The following OTUD7A variants were observed in gnomAD, a reference collection of about 807,000 sequenced individuals.
The protein encoded by OTUD7A is OTU domain-containing protein 7A.
Under a neutral mutation model 65.7 loss-of-function variants are expected in OTUD7A, and 12 were observed. The observed-to-expected ratio is 0.18, with a 90% CI of 0.12 to 0.30. OTUD7A has a LOEUF of 0.30. Among genes scored for constraint, OTUD7A ranks in the 10% least tolerant of loss-of-function variants. The pLI, the probability that OTUD7A is intolerant of heterozygous loss-of-function variation, is 1.00. For synonymous variants in OTUD7A, 641 were observed against 586.3 expected (o/e 1.09, Z -1.35); for missense variants, 1,148 against 1,304.8 (o/e 0.88, Z 1.85).
chr15:31,688,310 C>T (rs552235498), intron 1 of OTUD7A, among the ~76,000 whole-genome samples: 1 of 152,148 alleles, frequency 6.6e-6, no homozygotes, highest in Admixed American at 6.5e-5. Context: ...GGTGTGCCCA[C>T]TGATGTGCTG....
chr15:31,649,393 C>T (rs1891769973), intron 3 of OTUD7A, among the ~76,000 whole-genome samples: 1 of 152,114 alleles, frequency 6.6e-6, no homozygotes, highest in South Asian at 2.1e-4. Flanking sequence ...CCCATCATTG[C>T]AGTGTTTTTT....
In OTUD7A at chr15:31,633,587, A is replaced by T. The variant is rs558810131; in HGVS notation, c.151+21509T>A. Among the ~76,000 whole-genome samples the T allele has an allele frequency of 1.1e-3, 171 of 152,296 alleles. 1 individual carries two copies. Among genetic ancestry groups the T allele is most frequent in the African/African-American group, 3.9e-3 (164 of 41,568 alleles). On this transcript the variant is annotated intron_variant, in intron 3 of 12. Coordinates refer to ENST00000307050, the MANE Select transcript of OTUD7A (RefSeq NM_001382637.1). ...TTATATAGCTGCCTCCTGGTGACCA[A>T]GTCCCTAAGGGACAGCTAGATGCAA...
chr15:31,505,842 C>T (rs368040936), intron 8 of OTUD7A, among the ~76,000 whole-genome samples: 2 of 151,736 alleles, frequency 1.3e-5, no homozygotes, highest in African/African-American at 2.4e-5. Context: ...CTCCACCTCC[C>T]GGGTTCACGC....
chr15:31,839,544 C>A (rs577794362), intron 1 of OTUD7A, among the ~76,000 whole-genome samples: 2 of 152,184 alleles, frequency 1.3e-5, no homozygotes, highest in South Asian at 4.1e-4. Flanking sequence ...CAAAGACACA[C>A]CCCTTGCTGC....
intron 3 of OTUD7A, among the ~76,000 whole-genome samples, chr15:31,627,268 G>A (rs1473712867): frequency 7.9e-6 from 1 of 127,386 alleles, no homozygotes; most frequent in Non-Finnish European, 1.6e-5. Flanking sequence ...AGTCCCCGGA[G>A]TGTGATGTTC....
intron 8 of OTUD7A, among the ~76,000 whole-genome samples, chr15:31,506,545 T>A (rs371106239): frequency 2.0e-5 from 3 of 152,308 alleles, no homozygotes; most frequent in African/African-American, 7.2e-5. Flanking sequence ...TTTTTTAGAT[T>A]GATGAAATGC....
intron 3 of OTUD7A, among the ~76,000 whole-genome samples, chr15:31,643,559 T>C (rs1167836138): frequency 6.6e-6 from 1 of 152,194 alleles, no homozygotes; most frequent in African/African-American, 2.4e-5. Context: ...AGTACAGTTA[T>C]AATAACTTTT....
At chr15:31,623,287 A>G (rs1163138267) in intron 3 of OTUD7A, among the ~76,000 whole-genome samples, 1 of 152,206 alleles carries the variant, frequency 6.6e-6, no homozygotes, top group East Asian at 1.9e-4. Context: ...TACTCTCTTC[A>G]AAGCTGTCAG....
chr15:31,509,842 ATTAT>A (rs1014319547), intron 8 of OTUD7A, among the ~76,000 whole-genome samples: 13 of 149,258 alleles, frequency 8.7e-5, no homozygotes, highest in Non-Finnish European at 1.5e-4. Flanking sequence ...TGCCTTTTAC[ATTAT>A]TTCTTTTCCT....
chr15:31,846,845 G>C (rs2141000251), intron 1 of OTUD7A, among the ~76,000 whole-genome samples: 1 of 152,308 alleles, frequency 6.6e-6, no homozygotes, highest in South Asian at 2.1e-4. Flanking sequence ...CCAACGAGTA[G>C]GTATTTTTCT....
intron 1 of OTUD7A, among the ~76,000 whole-genome samples, chr15:31,746,991 G>A (rs7166699): frequency 0.99 from 150,408 of 152,298 alleles, 74,305 homozygotes; most frequent in East Asian, 1. Flanking sequence ...CACACTTAAA[G>A]TGTGCTTTTT....
At chr15:31,604,061 A>G (rs1890163424) in intron 3 of OTUD7A, among the ~76,000 whole-genome samples, 1 of 152,234 alleles carries the variant, frequency 6.6e-6, no homozygotes, top group East Asian at 1.9e-4. Context: ...CTATAACTAG[A>G]AATACCATTT....
intron 1 of OTUD7A, among the ~76,000 whole-genome samples, chr15:31,753,705 T>TAACCTGTG (rs1894715612): frequency 5.1e-5 from 4 of 78,434 alleles, no homozygotes; most frequent in Admixed American, 2.4e-4. Flanking sequence ...ATATATATTA[T>TAACCTGTG]ATATATATAT....
chr15:31,788,527 C>T (rs780325831), intron 1 of OTUD7A, among the ~76,000 whole-genome samples: 9 of 152,216 alleles, frequency 5.9e-5, no homozygotes, highest in Non-Finnish European at 1.3e-4. Context: ...CTCAAGGATA[C>T]AGGACTCTTC....
intron 1 of OTUD7A, among the ~76,000 whole-genome samples, chr15:31,841,264 G>A (rs1305326546): frequency 6.6e-6 from 1 of 152,182 alleles, no homozygotes; most frequent in Non-Finnish European, 1.5e-5. Flanking sequence ...AGAAGATACT[G>A]TTGGCCTCAG....
intron 1 of OTUD7A, among the ~76,000 whole-genome samples, chr15:31,838,129 G>C (rs1334938501): frequency 3.3e-5 from 5 of 152,098 alleles, no homozygotes; most frequent in African/African-American, 1.2e-4. Context: ...ATCAAAAATG[G>C]ATCACAGCTT....
At chr15:31,685,215 G>A (rs57342244) in intron 1 of OTUD7A, among the ~76,000 whole-genome samples, 11,935 of 152,306 alleles carry the variant, frequency 0.078, 1,127 homozygotes, top group African/African-American at 0.23. Context: ...AGATTAGCCT[G>A]CAGAATTGAT....
intron 2 of OTUD7A, 93 bp from the exon 3 acceptor site, chr15:31,655,343 C>T (rs1309434677): frequency 3.3e-5 from 20 of 600,878 alleles, no homozygotes; most frequent in South Asian, 2.5e-4. Flanking sequence ...AGAGAACCCT[C>T]GAGGGTGGAG....
chr15:31,709,009 G>GGAA (rs1893369879), intron 1 of OTUD7A, among the ~76,000 whole-genome samples: 2 of 151,410 alleles, frequency 1.3e-5, no homozygotes, highest in African/African-American at 4.9e-5. Context: ...TGGGATTGTG[G>GGAA]GAAGAGACTA....
Sources: gnomAD v4.1 joint callset for allele counts (sites outside exome capture counted in the v4.1 genomes callset) on GRCh38, gnomAD v4.1.1 for gene constraint, MANE v1.5 for transcripts, NCBI Gene and HGNC (gene_info 2026-07-23, HGNC 2026-07-21) for gene names.